The following PTPRD variants were observed in gnomAD, a reference collection of about 807,000 sequenced individuals.
PTPRD encodes the protein protein tyrosine phosphatase receptor type D, also known as receptor-type tyrosine-protein phosphatase delta.
A neutral mutation model predicts 214.5 loss-of-function variants in PTPRD; 34 were observed. That is an observed-to-expected ratio of 0.16 (90% CI 0.12 to 0.21). The LOEUF is 0.21. Among genes scored for constraint, PTPRD ranks in the 10% least tolerant of loss-of-function variants. The probability of loss-of-function intolerance (pLI) is 1.00; values close to 1 mark genes in which losing one functional copy is unlikely to be tolerated. For synonymous variants in PTPRD, 1,128 were observed against 845.7 expected, an observed-to-expected ratio of 1.33 and a Z score of -5.79; for missense variants, 2,545 against 2,398.7, an observed-to-expected ratio of 1.06 and a Z score of -1.27.
intron 10 of PTPRD, among the ~76,000 whole-genome samples, chr9:9,079,655 T>A (rs2099756268): frequency 6.6e-6 from 1 of 152,022 alleles, no homozygotes; most frequent in Non-Finnish European, 1.5e-5. Context: ...CGGTCTCATA[T>A]CTCCTCTGGG....
chr9:9,413,086 A>G (rs982886583), intron 8 of PTPRD, among the ~76,000 whole-genome samples: 5 of 143,532 alleles, frequency 3.5e-5, no homozygotes, highest in African/African-American at 1.0e-4. Context: ...AAGTTATAAA[A>G]TATCTTGCAG....
intron 11 of PTPRD, among the ~76,000 whole-genome samples, chr9:8,776,691 G>A (rs1310148681): frequency 1.3e-5 from 2 of 151,522 alleles, no homozygotes; most frequent in African/African-American, 4.9e-5. Context: ...CCACAAAACA[G>A]GACATTTGAG....
chr9:10,266,376 A>G (rs1364618737), intron 3 of PTPRD, among the ~76,000 whole-genome samples: 1 of 152,202 alleles, frequency 6.6e-6, no homozygotes, highest in Non-Finnish European at 1.5e-5. Flanking sequence ...ATGTAAATGT[A>G]GTTCTAATAT....
In PTPRD at chr9:9,241,898, T is replaced by C. The variant is rs537174595; in HGVS notation, c.-202-58535A>G. Among the ~76,000 whole-genome samples, 13 of 152,152 alleles carry C rather than the reference T, an allele frequency of 8.5e-5. No individual in the cohort carries two copies. In the South Asian group the frequency reaches 2.3e-3, roughly 27 times the overall value. On this transcript the variant is annotated intron_variant, in intron 9 of 45. Transcript: ENST00000381196. Reference sequence around the variant, plus strand: ...TTGATACTGTCATTAAGATGTTAGGTGGTTATTTTGCTCGTTAGTTGATGC... The same window carrying C: ...TTGATACTGTCATTAAGATGTTAGGCGGTTATTTTGCTCGTTAGTTGATGC...
chr9:10,226,595 A>G (rs2099589679), intron 3 of PTPRD, among the ~76,000 whole-genome samples: 1 of 152,048 alleles, frequency 6.6e-6, no homozygotes, highest in Non-Finnish European at 1.5e-5. Context: ...TAAAACCAAT[A>G]TGGATTTCAA....
intron 3 of PTPRD, among the ~76,000 whole-genome samples, chr9:10,313,233 T>G (rs143414584): frequency 1.7e-3 from 263 of 151,988 alleles, no homozygotes; most frequent in African/African-American, 5.9e-3. Context: ...TCCTGATAAT[T>G]ACACACAGCT....
At chr9:8,992,883 G>T (rs987589494) in intron 11 of PTPRD, among the ~76,000 whole-genome samples, 2 of 152,106 alleles carry the variant, frequency 1.3e-5, no homozygotes, top group Non-Finnish European at 2.9e-5. Flanking sequence ...AGGTAATATG[G>T]CTGTTTCCAT....
At chr9:8,784,864 T>C (rs1465616167) in intron 11 of PTPRD, among the ~76,000 whole-genome samples, 3 of 152,222 alleles carry the variant, frequency 2.0e-5, no homozygotes, top group South Asian at 4.1e-4. Context: ...ATCATTTACA[T>C]CTTTTTATCT....
At chr9:9,344,836 A>G (rs1176550058) in intron 9 of PTPRD, among the ~76,000 whole-genome samples, 1 of 151,850 alleles carries the variant, frequency 6.6e-6, no homozygotes, top group Non-Finnish European at 1.5e-5. Context: ...GGTAGTTAAG[A>G]AAAAAAATGA....
chr9:9,012,103 A>G (rs569703249), intron 11 of PTPRD, among the ~76,000 whole-genome samples: 2 of 152,292 alleles, frequency 1.3e-5, no homozygotes, highest in South Asian at 2.1e-4. Flanking sequence ...AGCTATAGTC[A>G]AGGAACTTCA....
At chr9:8,582,985 CTCA>C (rs1003839163) in intron 14 of PTPRD, among the ~76,000 whole-genome samples, 1 of 152,160 alleles carries the variant, frequency 6.6e-6, no homozygotes, top group Non-Finnish European at 1.5e-5. Flanking sequence ...CACTCAGAAG[CTCA>C]TTAACTTAAA....
chr9:9,037,693 C>T (rs992267045), intron 10 of PTPRD, among the ~76,000 whole-genome samples: 8 of 152,094 alleles, frequency 5.3e-5, no homozygotes, highest in African/African-American at 1.9e-4. Flanking sequence ...TCAGATGGTA[C>T]AGAAAGGTGT....
intron 3 of PTPRD, among the ~76,000 whole-genome samples, chr9:10,131,414 T>C (rs1283019042): frequency 6.6e-6 from 1 of 152,172 alleles, no homozygotes; most frequent in Non-Finnish European, 1.5e-5. Context: ...AAAGCCTGTA[T>C]TGTCAAGTGC....
intron 11 of PTPRD, among the ~76,000 whole-genome samples, chr9:8,821,903 T>A (rs2154526921): frequency 6.6e-6 from 1 of 152,236 alleles, no homozygotes; most frequent in African/African-American, 2.4e-5. Flanking sequence ...GACCTCGTGA[T>A]CCACCCACCT....
intron 12 of PTPRD, among the ~76,000 whole-genome samples, chr9:8,641,556 G>C (rs1378345571): frequency 7.1e-6 from 1 of 140,514 alleles, no homozygotes; most frequent in Non-Finnish European, 1.5e-5. Context: ...AACCCAGAAA[G>C]TCTATTTTCT....
intron 7 of PTPRD, among the ~76,000 whole-genome samples, chr9:9,647,504 C>A (rs1331579588): frequency 2.0e-5 from 3 of 152,112 alleles, no homozygotes; most frequent in African/African-American, 7.2e-5. Flanking sequence ...TGTGTGCTTA[C>A]TTTTGCCAGT....
chr9:10,325,411 C>G (rs1328819026), intron 3 of PTPRD, among the ~76,000 whole-genome samples: 1 of 151,940 alleles, frequency 6.6e-6, no homozygotes, highest in East Asian at 1.9e-4. Flanking sequence ...TGAGCAAATA[C>G]ACACTACTAC....
intron 10 of PTPRD, among the ~76,000 whole-genome samples, chr9:9,170,415 G>T (rs1441739390): frequency 6.6e-6 from 1 of 152,148 alleles, no homozygotes; most frequent in Non-Finnish European, 1.5e-5. Flanking sequence ...TAGGGAAAAA[G>T]TCCTTAAATG....
chr9:9,722,360 T>C (rs949253625), intron 7 of PTPRD, among the ~76,000 whole-genome samples: 1 of 152,100 alleles, frequency 6.6e-6, no homozygotes, highest in Non-Finnish European at 1.5e-5. Flanking sequence ...AATAGAATAA[T>C]GTTTTCCAGA....
Sources: allele counts gnomAD v4.1 joint callset (sites outside exome capture counted in the v4.1 genomes callset), GRCh38; gene constraint gnomAD v4.1.1; transcripts MANE v1.5; gene names NCBI Gene and HGNC (gene_info 2026-07-23, HGNC 2026-07-21).